CSF1R: variants seen among roughly 807,000 people sequenced by gnomAD.
The protein encoded by CSF1R is colony stimulating factor 1 receptor, also known as macrophage colony-stimulating factor 1 receptor.
Under a neutral mutation model 110.0 loss-of-function variants are expected in CSF1R, and 40 were observed. The observed-to-expected ratio is 0.36, with a 90% CI of 0.28 to 0.47. The LOEUF is 0.47. Ranked by LOEUF, CSF1R falls within the 20% of genes least tolerant of loss-of-function variation. The pLI is 0.99. For missense variants in CSF1R, 1,052 were observed against 1,253.0 expected (o/e 0.84, Z 2.42); for synonymous variants, 523 against 503.4 (o/e 1.04, Z -0.52).
intron 13 of CSF1R, 28 bp downstream of exon 13, chr5:150,060,834 T>TTGGCCCCAGGAACCCCAAGGCCC (rs1757475578): frequency 2.0e-6 from 3 of 1,517,912 alleles, no homozygotes; most frequent in Non-Finnish European, 2.7e-6. Flanking sequence ...CCCCAAGACC[T>TTGGCCCCAGGAACCCCAAGGCCC]TGGCCCCAGG....
chr5:150,097,830 C>G (rs1215759939), intron 1 of CSF1R, among the ~76,000 whole-genome samples: 1 of 152,172 alleles, frequency 6.6e-6, no homozygotes, highest in Non-Finnish European at 1.5e-5. Context: ...TGATTCTTCT[C>G]CAGGTTAACC....
At chr5:150,080,664 C>G in intron 2 of CSF1R, 103 bp downstream of exon 2, 3 of 1,436,306 alleles carry the variant, frequency 2.1e-6, no homozygotes, top group Non-Finnish European at 2.9e-6. Flanking sequence ...ATAGCCAGCA[C>G]TCAGTAAATG....
In CSF1R at chr5:150,110,837, C is replaced by T. The variant is rs114186219; in HGVS notation, c.-181+2424G>A. On this transcript the variant is annotated intron_variant, in intron 1 of 21. Transcript: ENST00000286301. Reference sequence around the variant, plus strand: ...TATAAAAATACTCAAAGAAGACCTTCTCTTTCTATATTATGTATTTTGGTA... The same window carrying T: ...TATAAAAATACTCAAAGAAGACCTTTTCTTTCTATATTATGTATTTTGGTA... Among the ~76,000 whole-genome samples the T allele has an allele frequency of 7.0e-3, 1,065 of 151,908 alleles. 15 individuals carry two copies. The highest frequency in any genetic ancestry group is 0.025 in the African/African-American group (1,035 of 41,446).
intron 1 of CSF1R, among the ~76,000 whole-genome samples, chr5:150,109,272 C>T (rs1759648699): frequency 6.6e-6 from 1 of 152,200 alleles, no homozygotes; most frequent in Non-Finnish European, 1.5e-5. Context: ...ACCTCCTCAT[C>T]TGGAGGCTCC....
Position 150,078,302 on chromosome 5 carries a change from A to C in CSF1R, c.593-54T>G, listed in dbSNP as rs1366059893. On this transcript the variant is annotated intron_variant, in intron 3 of 20. Transcript: ENST00000675795. Reference sequence around the variant, plus strand: ...CCCAGGCTCCCTGAACATGATAGAGATATTGCTCTCCTCCCTGCCATGGGC... The same window carrying C: ...CCCAGGCTCCCTGAACATGATAGAGCTATTGCTCTCCTCCCTGCCATGGGC... 2.5e-6 allele frequency: 4 copies of C among 1,601,440 alleles called. No homozygotes were observed. The African/African-American group carries it at 5.4e-5, about 21-fold the overall frequency.
At position 150,060,948 on chromosome 5, in the gene CSF1R, T is replaced by G. The variant is rs910551974; in HGVS notation, c.1883A>C (p.Glu628Ala). ...LKSTAHADEK[E>A]ALMSELKIMS... ...GATCTTCAGCTCGGACATGAGGGCC[T>G]CCTTCTCATCAGCATGGGCCGTGGC... Residue 628 changes from glutamate (E) to alanine (A), a missense_variant, in exon 13 of 21, where the codon GAG becomes GCG. Transcript: ENST00000675795. 6.8e-6 allele frequency: 11 copies of G among 1,606,620 alleles called. No homozygotes were observed. The highest frequency in any genetic ancestry group is 4.5e-5 in the East Asian group (2 of 44,762).
chr5:150,064,281 C>G (rs1757659155), intron 10 of CSF1R, among the ~76,000 whole-genome samples: 1 of 152,284 alleles, frequency 6.6e-6, no homozygotes, highest in Non-Finnish European at 1.5e-5. Context: ...GTACGTCTAT[C>G]CCCTGAATCA....
At chr5:150,088,100 G>A (rs6874087), upstream of CSF1R, among the ~76,000 whole-genome samples, 52,794 of 151,922 alleles carry the variant, frequency 0.35, 9,854 homozygotes, top group African/African-American at 0.49. Context: ...GATCATTCCC[G>A]TGTACTCAGG....
chr5:150,077,030 A>C lies in CSF1R; in HGVS notation c.889+246T>G, dbSNP rs1028844288. On this transcript the variant is annotated intron_variant, in intron 5 of 20. Coordinates refer to ENST00000675795, the MANE Select transcript of CSF1R (RefSeq NM_001288705.3). The stretch of plus-strand genomic sequence containing the variant: ...GACCCCAATCCCCAAATAAACAAAA[A>C]ATGGCACTAAGGTGCACCCAATGCA... 3 of 551,392 alleles carry C rather than the reference A, an allele frequency of 5.4e-6. No individual in the cohort carries two copies. In the African/African-American group the frequency reaches 5.7e-5, roughly 10 times the overall value. 34.2% of individuals were successfully genotyped at this position (551,392 alleles called of 1,614,324 possible).
intron 14 of CSF1R, 140 bp from the exon 15 acceptor site, chr5:150,057,732 A>T: frequency 1.5e-6 from 1 of 652,068 alleles, no homozygotes. Flanking sequence ...ACTCCATCTG[A>T]GTGAGCATTG....
At chr5:150,064,735 G>A (rs1757685318) in intron 10 of CSF1R, among the ~76,000 whole-genome samples, 1 of 152,162 alleles carries the variant, frequency 6.6e-6, no homozygotes, top group Non-Finnish European at 1.5e-5. Context: ...AGGGGGCACT[G>A]TTGAAAGGGA....
chr5:150,095,198 T>C, intron 1 of CSF1R: 1 of 611,492 alleles, frequency 1.6e-6, no homozygotes, highest in Non-Finnish European at 2.8e-6. Flanking sequence ...TAAAAATCTC[T>C]TGTAACACCC....
chr5:150,100,240 G>A (rs1357751674), intron 1 of CSF1R, among the ~76,000 whole-genome samples: 8 of 151,424 alleles, frequency 5.3e-5, no homozygotes. Context: ...AACCAGTGGG[G>A]ATGGGGGAGG....
intron 1 of CSF1R, among the ~76,000 whole-genome samples, chr5:150,110,669 A>G (rs530780168): frequency 1.2e-4 from 18 of 152,364 alleles, no homozygotes; most frequent in Admixed American, 3.3e-4. Flanking sequence ...AGATACAAAT[A>G]TTAGTATGGA....
intron 1 of CSF1R, among the ~76,000 whole-genome samples, chr5:150,108,687 G>A (rs1337690363): frequency 6.6e-6 from 1 of 152,208 alleles, no homozygotes; most frequent in African/African-American, 2.4e-5. Context: ...CCATGTTTGT[G>A]ACTTTTCTAG....
chr5:150,086,795 G>A (rs1479360704), upstream of CSF1R, among the ~76,000 whole-genome samples: 2 of 152,178 alleles, frequency 1.3e-5, no homozygotes, highest in Non-Finnish European at 2.9e-5. Flanking sequence ...TCCAAGAGCA[G>A]CCAGACCGTT....
At chr5:150,088,308 C>T (rs1758924753), upstream of CSF1R, among the ~76,000 whole-genome samples, 1 of 152,152 alleles carries the variant, frequency 6.6e-6, no homozygotes, top group African/African-American at 2.4e-5. Flanking sequence ...CCCGACAAAG[C>T]AAAGCCCAGG....
intron 14 of CSF1R, among the ~76,000 whole-genome samples, chr5:150,058,855 G>A (rs535770408): frequency 6.6e-6 from 1 of 152,102 alleles, no homozygotes; most frequent in Non-Finnish European, 1.5e-5. Context: ...CAGGACAGCA[G>A]TGTGGCTTGG....
chr5:150,077,162 G>T, intron 5 of CSF1R, 114 bp downstream of exon 5: 2 of 1,390,464 alleles, frequency 1.4e-6, no homozygotes, highest in Non-Finnish European at 2.0e-6. Context: ...ACAAACTCCA[G>T]CAGAGATATC....
Sources: gnomAD v4.1 joint callset for allele counts (sites outside exome capture counted in the v4.1 genomes callset) on GRCh38, gnomAD v4.1.1 for gene constraint, MANE v1.5 for transcripts, NCBI Gene and HGNC (gene_info 2026-07-23, HGNC 2026-07-21) for gene names.